DLC1: variants seen among roughly 807,000 people sequenced by gnomAD.
DLC1 encodes the protein rho GTPase-activating protein 7.
Under a neutral mutation model 140.3 loss-of-function variants are expected in DLC1, and 54 were observed. The ratio of observed to expected loss-of-function variants is 0.38; its 90% confidence interval spans 0.31 to 0.48. The LOEUF is 0.48. DLC1 is among the 20% of genes least tolerant of loss of function. The pLI is 0.96. For missense variants in DLC1, 2,536 were observed against 1,907.0 expected (o/e 1.33, Z -6.14); for synonymous variants, 986 against 728.1 (o/e 1.35, Z -5.70).
rs190168682 is a variant in DLC1 at position 13,380,102 on chromosome 8, C to T, written c.1314+13451G>A. On this transcript the variant is annotated intron_variant, in intron 4 of 17. Coordinates refer to ENST00000276297, the MANE Select transcript of DLC1 (RefSeq NM_182643.3). The stretch of plus-strand genomic sequence containing the variant: ...TGGATCTCCTCCTCACCACCACTCC[C>T]ATAAAAGTTTGACTGGGATGGAAGG... Among the ~76,000 whole-genome samples the T allele has an allele frequency of 1.6e-3, 238 of 152,250 alleles. 7 individuals are homozygous for T. In the South Asian group the frequency reaches 0.041, roughly 26 times the overall value.
At chr8:13,220,416 A>G (rs186311928) in intron 5 of DLC1, among the ~76,000 whole-genome samples, 1,656 of 152,258 alleles carry the variant, frequency 0.011, 10 homozygotes, top group South Asian at 0.032. Flanking sequence ...TTGTTGAGGA[A>G]TGTCTCTTTA....
At chr8:13,488,491 G>T (rs1034668464) in intron 2 of DLC1, among the ~76,000 whole-genome samples, 9 of 152,114 alleles carry the variant, frequency 5.9e-5, no homozygotes, top group Non-Finnish European at 1.3e-4. Flanking sequence ...AAAAATAGAA[G>T]TTTGAAGACA....
intron 5 of DLC1, 119 bp from the exon 6 acceptor site, chr8:13,115,776 T>A (rs566875047): frequency 5.5e-6 from 5 of 909,976 alleles, no homozygotes; most frequent in Non-Finnish European, 8.6e-6. Flanking sequence ...AAAATACAGA[T>A]AAGCAAACAG....
At chr8:13,426,339 C>T (rs1585087947) in intron 2 of DLC1, among the ~76,000 whole-genome samples, 2 of 152,168 alleles carry the variant, frequency 1.3e-5, no homozygotes, top group African/African-American at 2.4e-5. Context: ...TAATAGTATT[C>T]TCTAAATCAC....
chr8:13,433,270 G>A (rs1049589041), intron 2 of DLC1, among the ~76,000 whole-genome samples: 6 of 152,108 alleles, frequency 3.9e-5, no homozygotes, highest in Non-Finnish European at 1.5e-5. Context: ...AAAATGGCGA[G>A]GCTCTTACTG....
At chr8:13,437,803 A>C (rs1337618334) in intron 2 of DLC1, among the ~76,000 whole-genome samples, 1 of 152,134 alleles carries the variant, frequency 6.6e-6, no homozygotes, top group African/African-American at 2.4e-5. Context: ...AATGGAGTAC[A>C]AATTGATTCA....
chr8:13,312,184 A>AC (rs1311608029), intron 4 of DLC1, among the ~76,000 whole-genome samples: 1 of 130,964 alleles, frequency 7.6e-6, no homozygotes, highest in Non-Finnish European at 1.7e-5. Context: ...ACACGGTGAA[A>AC]CCCCGTCTCT....
intron 4 of DLC1, among the ~76,000 whole-genome samples, chr8:13,314,659 T>C (rs1284330437): frequency 2.0e-5 from 3 of 152,168 alleles, no homozygotes; most frequent in African/African-American, 7.2e-5. Flanking sequence ...ACATCCAACT[T>C]AAAAACTTTT....
chr8:13,431,983 A>C (rs1222529035), intron 2 of DLC1, among the ~76,000 whole-genome samples: 2 of 152,138 alleles, frequency 1.3e-5, no homozygotes, highest in Non-Finnish European at 2.9e-5. Context: ...TTTTATCACA[A>C]CTCTTGTATT....
chr8:13,140,186 T>C (rs1029660796), intron 5 of DLC1, among the ~76,000 whole-genome samples: 54 of 152,240 alleles, frequency 3.5e-4, no homozygotes, highest in Admixed American at 1.2e-3. Context: ...AATGGTTAAA[T>C]ATTTTCTTTC....
chr8:13,254,137 C>G (rs998267628), intron 5 of DLC1, among the ~76,000 whole-genome samples: 1 of 151,564 alleles, frequency 6.6e-6, no homozygotes, highest in Non-Finnish European at 1.5e-5. Context: ...CCTGGAAATC[C>G]TTCTCCCTCC....
At chr8:13,160,701 G>A (rs1301773840) in intron 5 of DLC1, among the ~76,000 whole-genome samples, 1 of 152,170 alleles carries the variant, frequency 6.6e-6, no homozygotes, top group Non-Finnish European at 1.5e-5. Flanking sequence ...GCTTTGATTA[G>A]GGACGGCAGG....
intron 5 of DLC1, among the ~76,000 whole-genome samples, chr8:13,269,701 CA>C (rs57030004): frequency 0.012 from 1,172 of 99,224 alleles, 4 homozygotes; most frequent in East Asian, 0.037. Flanking sequence ...AAAACTCTGT[CA>C]AAAAAAAAAA....
Position 13,345,547 on chromosome 8 carries a change from C to CTTTTTTTTTTTTTTTT in DLC1, c.1315-40261_1315-40246dup, listed in dbSNP as rs535092622. On this transcript the variant is annotated intron_variant, in intron 4 of 17. Transcript: ENST00000276297. ...GATTATCTGAAATTTTTCACTCACA[C>CTTTTTTTTTTTTTTTT]TTTTTTTTTTTTTTTTTTTTTTTGG... Among the ~76,000 whole-genome samples, 165 of 67,514 alleles carry CTTTTTTTTTTTTTTTT rather than the reference C, an allele frequency of 2.4e-3. 21 individuals carry two copies. Among genetic ancestry groups the CTTTTTTTTTTTTTTTT allele is most frequent in the South Asian group, 5.5e-3 (8 of 1,458 alleles). 44.3% of individuals were successfully genotyped at this position (67,514 alleles called of 152,430 possible).
intron 1 of DLC1, among the ~76,000 whole-genome samples, chr8:13,553,939 C>A (rs913623127): frequency 9.9e-5 from 15 of 152,102 alleles, no homozygotes; most frequent in Non-Finnish European, 8.8e-5. Flanking sequence ...TGTCTGCGCC[C>A]TTTGCTTGAT....
intron 1 of DLC1, chr8:13,568,274 A>G: frequency 4.5e-6 from 1 of 222,958 alleles, no homozygotes; most frequent in Non-Finnish European, 9.6e-6. Context: ...TAAATAGTAG[A>G]TGTTTGAAAT....
intron 5 of DLC1, among the ~76,000 whole-genome samples, chr8:13,269,959 C>G (rs534350150): frequency 1.3e-5 from 2 of 148,646 alleles, no homozygotes; most frequent in Non-Finnish European, 3.0e-5. Flanking sequence ...CCCAGCTACT[C>G]AGGAGGAGAA....
chr8:13,554,709 G>T (rs1254685944), intron 1 of DLC1, among the ~76,000 whole-genome samples: 1 of 152,048 alleles, frequency 6.6e-6, no homozygotes, highest in Non-Finnish European at 1.5e-5. Context: ...TACCAGTCTG[G>T]TTCAAGAACC....
At chr8:13,147,257 A>T (rs1823504014) in intron 5 of DLC1, among the ~76,000 whole-genome samples, 1 of 152,154 alleles carries the variant, frequency 6.6e-6, no homozygotes, top group Non-Finnish European at 1.5e-5. Context: ...GACCTAAATA[A>T]ATCTCCACTA....
Sources: allele counts gnomAD v4.1 joint callset (sites outside exome capture counted in the v4.1 genomes callset), GRCh38; gene constraint gnomAD v4.1.1; transcripts MANE v1.5; gene names NCBI Gene and HGNC (gene_info 2026-07-23, HGNC 2026-07-21).